The following ARHGEF10L variants were observed in gnomAD, a reference collection of about 807,000 sequenced individuals.
ARHGEF10L encodes the protein Rho guanine nucleotide exchange factor 10 like.
In ARHGEF10L, 69 loss-of-function variants were observed where a neutral mutation model predicts 141.2. The ratio of observed to expected loss-of-function variants is 0.49; its 90% CI spans 0.40 to 0.60. The LOEUF (loss-of-function observed/expected upper bound fraction) is 0.60. ARHGEF10L is among the 20% of genes least tolerant of loss of function. The pLI is 0.00. For missense variants in ARHGEF10L, 1,482 were observed against 1,734.3 expected, an observed-to-expected ratio of 0.85 and a Z score of 2.58; for synonymous variants, 711 against 718.5, an observed-to-expected ratio of 0.99 and a Z score of 0.17.
chr1:17,550,270 G>A (rs1429177111), intron 1 of ARHGEF10L, among the ~76,000 whole-genome samples: 1 of 152,244 alleles, frequency 6.6e-6, no homozygotes, highest in Non-Finnish European at 1.5e-5. Context: ...AGACGGTTAA[G>A]AGGGAGTGAG....
At chr1:17,663,279 C>T (rs983229294) in intron 25 of ARHGEF10L, among the ~76,000 whole-genome samples, 9 of 152,098 alleles carry the variant, frequency 5.9e-5, no homozygotes, top group South Asian at 2.1e-4. Context: ...GGATCAGGCA[C>T]GGTGGCTCAT....
At chr1:17,681,826 TC>T (rs1010923406) in intron 26 of ARHGEF10L, among the ~76,000 whole-genome samples, 2 of 152,296 alleles carry the variant, frequency 1.3e-5, no homozygotes, top group African/African-American at 4.8e-5. Context: ...CCACAAACTT[TC>T]CCCCTGGGGC....
chr1:17,694,785 C>A, intron 27 of ARHGEF10L: 1 of 387,046 alleles, frequency 2.6e-6, no homozygotes, highest in Non-Finnish European at 5.1e-6. Context: ...TTGCTCGTAG[C>A]TGGCTGGCTG....
chr1:17,587,896 G>A (rs1352498258), intron 3 of ARHGEF10L, among the ~76,000 whole-genome samples: 1 of 152,252 alleles, frequency 6.6e-6, no homozygotes, highest in Non-Finnish European at 1.5e-5. Context: ...TTGCTTTGGA[G>A]ACAGTTGCTG....
At chr1:17,684,291 T>C (rs2064381059) in intron 26 of ARHGEF10L, among the ~76,000 whole-genome samples, 2 of 152,204 alleles carry the variant, frequency 1.3e-5, no homozygotes, top group Non-Finnish European at 2.9e-5. Context: ...ATTCTGCATG[T>C]TTCCTTGAAG....
At chr1:17,563,771 C>T (rs1216061825) in intron 1 of ARHGEF10L, among the ~76,000 whole-genome samples, 3 of 152,190 alleles carry the variant, frequency 2.0e-5, no homozygotes, top group African/African-American at 7.2e-5. Context: ...GGAGTCCCCA[C>T]TGTCTGACTC....
upstream of ARHGEF10L, among the ~76,000 whole-genome samples, chr1:17,539,256 G>A (rs946051499): frequency 5.3e-5 from 8 of 152,242 alleles, no homozygotes; most frequent in African/African-American, 1.9e-4. This position sits in a 1 kb window ranked among gnomAD's most constrained non-coding sequence, Gnocchi z 6.0. Flanking sequence ...AAGACTGGTT[G>A]AGGGGCAGGT....
At chr1:17,653,186 C>T (rs1232371562) in intron 22 of ARHGEF10L, among the ~76,000 whole-genome samples, 1 of 152,144 alleles carries the variant, frequency 6.6e-6, no homozygotes, top group Non-Finnish European at 1.5e-5. Context: ...TAGGTGAGGA[C>T]CTGATTTGTT....
chr1:17,619,674 G>T lies in ARHGEF10L; in HGVS notation c.942+229G>T, dbSNP rs2060000708. Among the ~76,000 whole-genome samples the T allele has an allele frequency of 6.6e-6, 1 of 152,152 alleles. No individual in the cohort carries two copies. The highest frequency in any genetic ancestry group is 6.5e-5 in the Admixed American group (1 of 15,272). On this transcript the variant is annotated intron_variant, in intron 10 of 28. Coordinates refer to ENST00000361221, the MANE Select transcript of ARHGEF10L (RefSeq NM_018125.4). This position sits in a 1 kb window ranked among gnomAD's most constrained non-coding sequence, Gnocchi z 5.0. The stretch of plus-strand genomic sequence containing the variant: ...CTGTGCTGTTGGTTTTGGGGGGTGG[G>T]CTCCCGGCATCTAGAACGCTTGCGT...
intron 7 of ARHGEF10L, 44 bp from the exon 8 acceptor site, chr1:17,613,014 T>C (rs772531881): frequency 2.2e-6 from 3 of 1,350,468 alleles, no homozygotes; most frequent in South Asian, 1.2e-5. Context: ...TCCCGCCTGC[T>C]CCTCTCACCT....
At chr1:17,683,976 C>A (rs1408574387) in intron 26 of ARHGEF10L, among the ~76,000 whole-genome samples, 1 of 152,132 alleles carries the variant, frequency 6.6e-6, no homozygotes, top group Non-Finnish European at 1.5e-5. Flanking sequence ...TGGCTGCACG[C>A]GTGTGAGCAT....
At chr1:17,587,340 T>C in intron 2 of ARHGEF10L, 120 bp from the exon 3 acceptor site, 1 of 1,025,618 alleles carries the variant, frequency 9.8e-7, no homozygotes, top group Non-Finnish European at 1.4e-6. Flanking sequence ...ATGGCTCTCA[T>C]TCCCTGGCTC....
chr1:17,681,534 C>T lies in ARHGEF10L; in HGVS notation c.3010-6039C>T, dbSNP rs148724261. On this transcript the variant is annotated intron_variant, in intron 26 of 28. Coordinates refer to ENST00000361221, the MANE Select transcript of ARHGEF10L (RefSeq NM_018125.4). ...CATGATATTGACTTTGTTGACAAGTCCAAGCCAGCGTCTCATAGAAGTTCC... is the reference window on the plus strand; with the variant it reads ...CATGATATTGACTTTGTTGACAAGTTCAAGCCAGCGTCTCATAGAAGTTCC... Among the ~76,000 whole-genome samples the T allele has an allele frequency of 1.6e-3, 247 of 152,316 alleles. 1 individual carries two copies. The highest frequency in any genetic ancestry group is 2.6e-3 in the Non-Finnish European group (178 of 68,028).
At chr1:17,630,223 GA>G (rs1557872171) in intron 15 of ARHGEF10L, among the ~76,000 whole-genome samples, 1 of 152,224 alleles carries the variant, frequency 6.6e-6, no homozygotes, top group African/African-American at 2.4e-5. Context: ...GGTGTAACCC[GA>G]AACGGAACCA....
intron 2 of ARHGEF10L, 54 bp downstream of exon 2, chr1:17,580,686 T>G (rs921613429): frequency 6.2e-7 from 1 of 1,609,770 alleles, no homozygotes. Flanking sequence ...AGGGGGCCGC[T>G]GGGGGCCGGC....
intron 21 of ARHGEF10L, among the ~76,000 whole-genome samples, chr1:17,645,923 G>A (rs141254015): frequency 7.8e-4 from 119 of 152,344 alleles, no homozygotes; most frequent in Non-Finnish European, 1.5e-3. Flanking sequence ...TTATGGCAAC[G>A]CGCGTGCCCT....
At position 17,615,285 on chromosome 1, in the gene ARHGEF10L, AG is replaced by A. The variant is rs1447890893; in HGVS notation, c.727-805del. 1 of 152,236 alleles carries A rather than the reference AG, an allele frequency of 6.6e-6. No individual in the cohort carries two copies. The highest frequency in any genetic ancestry group is 1.5e-5 in the Non-Finnish European group (1 of 68,068). 9.4% of individuals were successfully genotyped at this position (152,236 alleles called of 1,614,324 possible). A position where few individuals can be genotyped will look rare whatever the true frequency, so the allele number is the denominator to read the frequency against. ...GCTTGGGAGGACAAAGGACTGGCTG[AG>A]GGGACAGCAGCTCTGTCAGGCCTGG... On this transcript the variant is annotated intron_variant, in intron 8 of 28. Transcript: ENST00000361221. The surrounding 1 kb of genome is among the most constrained non-coding windows in gnomAD (Gnocchi z 4.7).
At chr1:17,570,887 T>C (rs1345426287) in intron 1 of ARHGEF10L, among the ~76,000 whole-genome samples, 1 of 152,182 alleles carries the variant, frequency 6.6e-6, no homozygotes, top group South Asian at 2.1e-4. Context: ...TCCAAGGTTT[T>C]GGCCTTAGCA....
chr1:17,689,125 C>A (rs946624120), intron 27 of ARHGEF10L, among the ~76,000 whole-genome samples: 5 of 152,082 alleles, frequency 3.3e-5, no homozygotes, highest in Admixed American at 2.0e-4. Context: ...TGCAGTAGAC[C>A]AGAGGCAGGA....
Sources: allele counts gnomAD v4.1 joint callset (sites outside exome capture counted in the v4.1 genomes callset), GRCh38; gene constraint gnomAD v4.1.1; non-coding constraint Gnocchi (gnomAD v3.1); transcripts MANE v1.5; gene names NCBI Gene and HGNC (gene_info 2026-07-23, HGNC 2026-07-21).